The following MBOAT2 variants were observed in gnomAD, a reference collection of about 807,000 sequenced individuals.
MBOAT2 encodes membrane bound glycerophospholipid O-acyltransferase 2.
A neutral mutation model predicts 63.4 loss-of-function variants in MBOAT2; 28 were observed. The observed-to-expected ratio is 0.44, with a 90% CI of 0.33 to 0.61. The LOEUF (loss-of-function observed/expected upper bound fraction) is 0.61, where lower values mean the gene tolerates loss of function less well. Ranked by LOEUF, MBOAT2 falls within the 20% of genes least tolerant of loss-of-function variation. The probability of loss-of-function intolerance (pLI) is 0.03; values close to 1 mark genes in which losing one functional copy is unlikely to be tolerated. For missense variants in MBOAT2, 470 were observed against 605.8 expected (o/e 0.78, Z 2.35); for synonymous variants, 211 against 215.6 (o/e 0.98, Z 0.19).
At chr2:8,878,048 G>A (rs1340574658) in intron 6 of MBOAT2, among the ~76,000 whole-genome samples, 2 of 152,232 alleles carry the variant, frequency 1.3e-5, no homozygotes, top group African/African-American at 4.8e-5. Context: ...TCCAGCCCAT[G>A]TGTGGGGCTC....
chr2:8,945,915 G>A (rs1047556480), intron 2 of MBOAT2, among the ~76,000 whole-genome samples: 4 of 152,102 alleles, frequency 2.6e-5, no homozygotes, highest in Non-Finnish European at 5.9e-5. Flanking sequence ...CCTTCTGAAA[G>A]GCACTGTACT....
intron 3 of MBOAT2, among the ~76,000 whole-genome samples, chr2:8,941,835 C>T (rs963781237): frequency 6.6e-6 from 1 of 152,098 alleles, no homozygotes; most frequent in Non-Finnish European, 1.5e-5. Context: ...AAACAATTTC[C>T]CATTGCTAAA....
At chr2:8,934,062 T>C (rs1214027208) in intron 3 of MBOAT2, among the ~76,000 whole-genome samples, 4 of 152,248 alleles carry the variant, frequency 2.6e-5, no homozygotes, top group Non-Finnish European at 2.9e-5. Context: ...CACAATGCTA[T>C]GTTCTGAAAA....
chr2:8,940,572 C>T (rs891043893), intron 3 of MBOAT2, among the ~76,000 whole-genome samples: 7 of 152,130 alleles, frequency 4.6e-5, no homozygotes, highest in Non-Finnish European at 8.8e-5. Context: ...GGATTACAGG[C>T]GTGAGCCACT....
At chr2:8,930,860 A>AT (rs1328201574) in intron 3 of MBOAT2, among the ~76,000 whole-genome samples, 3 of 151,740 alleles carry the variant, frequency 2.0e-5, no homozygotes, top group Non-Finnish European at 4.4e-5. Context: ...AACTTAAAGT[A>AT]TAAAAAAAAA....
At position 8,949,453 on chromosome 2, in the gene MBOAT2, T is replaced by C. The variant is rs983874397; in HGVS notation, c.222-6189A>G. Reference sequence around the variant, plus strand: ...ATGATGTTCCTTGCTTTTTTTTTTTTCAGGGTTCTTACAGTTTGAGGTCTT... The same window carrying C: ...ATGATGTTCCTTGCTTTTTTTTTTTCCAGGGTTCTTACAGTTTGAGGTCTT... On this transcript the variant is annotated intron_variant, in intron 2 of 12. Coordinates refer to ENST00000305997, the MANE Select transcript of MBOAT2 (RefSeq NM_138799.4). Among the ~76,000 whole-genome samples the C allele has an allele frequency of 3.3e-5, 5 of 152,024 alleles. No individual in the cohort carries two copies. In the South Asian group the frequency reaches 1.0e-3, roughly 32 times the overall value.
intron 3 of MBOAT2, among the ~76,000 whole-genome samples, chr2:8,931,144 A>G (rs1667291461): frequency 6.6e-6 from 1 of 152,220 alleles, no homozygotes; most frequent in Non-Finnish European, 1.5e-5. Context: ...TTACATTCCC[A>G]TTAACAGTGT....
rs747611257 is a variant in MBOAT2 at position 8,868,525 on chromosome 2, C to G, written c.908G>C (p.Gly303Ala). The G allele has an allele frequency of 1.2e-6, 2 of 1,613,730 alleles. No homozygotes were observed. Among genetic ancestry groups the G allele is most frequent in the Non-Finnish European group, 1.7e-6 (2 of 1,179,856 alleles). ...TTCGTCATACCCTCTGAAACCAAAGCCTGCAGCATTATTAATGGCATCAGC... is the reference window on the plus strand; with the variant it reads ...TTCGTCATACCCTCTGAAACCAAAGGCTGCAGCATTATTAATGGCATCAGC... ...TLADAINNAA[G>A]FGFRGYDENG... Residue 303 changes from glycine to alanine, a missense_variant, in exon 9 of 13, where the codon GGC becomes GCC. By Grantham distance (60) the Gly-to-Ala change is moderately conservative (BLOSUM62 0). This residue lies in a region of MBOAT2 where 376 missense variants were observed against 503.8 expected (regional missense o/e 0.75). Transcript: ENST00000305997.
At chr2:8,873,071 A>C (rs1662447820) in intron 8 of MBOAT2, 37 bp downstream of exon 8, 1 of 1,583,018 alleles carries the variant, frequency 6.3e-7, no homozygotes, top group Middle Eastern at 1.7e-4. Flanking sequence ...GAAACGCTTC[A>C]ACCAGACACA....
intron 3 of MBOAT2, among the ~76,000 whole-genome samples, chr2:8,912,532 C>G (rs1484192879): frequency 6.6e-6 from 1 of 152,128 alleles, no homozygotes; most frequent in Non-Finnish European, 1.5e-5. Flanking sequence ...AAATCTGTAG[C>G]TCTTCTATAC....
intron 9 of MBOAT2, among the ~76,000 whole-genome samples, chr2:8,867,189 G>A (rs1661960910): frequency 6.6e-6 from 1 of 152,038 alleles, no homozygotes; most frequent in Admixed American, 6.6e-5. Context: ...GCTAGTTTTT[G>A]TATTTTTTGT....
At chr2:8,924,462 G>C (rs577226820) in intron 3 of MBOAT2, among the ~76,000 whole-genome samples, 1 of 152,194 alleles carries the variant, frequency 6.6e-6, no homozygotes, top group East Asian at 1.9e-4. Context: ...CTGACCAGGT[G>C]TTCTCTTAGT....
chr2:8,896,745 C>A (rs1259757603), intron 4 of MBOAT2, among the ~76,000 whole-genome samples: 2 of 152,190 alleles, frequency 1.3e-5, no homozygotes, highest in African/African-American at 2.4e-5. Context: ...AATTATTAGG[C>A]AATTTTCCTA....
At chr2:8,894,211 C>T (rs894833861) in intron 4 of MBOAT2, among the ~76,000 whole-genome samples, 5 of 152,240 alleles carry the variant, frequency 3.3e-5, no homozygotes, top group Middle Eastern at 3.4e-3. Flanking sequence ...ATGTTTCTGA[C>T]GAACCTTGTA....
intron 6 of MBOAT2, among the ~76,000 whole-genome samples, chr2:8,879,542 A>G (rs1486472731): frequency 3.3e-5 from 5 of 152,180 alleles, no homozygotes; most frequent in African/African-American, 9.7e-5. Flanking sequence ...CATATCAACT[A>G]TGTGTTGTCT....
In MBOAT2 at chr2:8,902,406, C is replaced by G. The variant is rs1001761200; in HGVS notation, c.395+6215G>C. ...TGACTTCAAGAATGAAGCCGCGGAC[C>G]CTTGCAGTGAGTGTTACAGTTCTTA... is the stretch of plus-strand genomic sequence containing the variant. On this transcript the variant is annotated intron_variant, in intron 4 of 12. Coordinates refer to ENST00000305997, the MANE Select transcript of MBOAT2 (RefSeq NM_138799.4). Among the ~76,000 whole-genome samples, 4 of 152,222 alleles carry G rather than the reference C, an allele frequency of 2.6e-5. No individual in the cohort carries two copies. The East Asian group carries it at 5.8e-4, about 22-fold the overall frequency.
chr2:8,872,968 G>A (rs1158469963), intron 8 of MBOAT2, 140 bp downstream of exon 8: 18 of 580,934 alleles, frequency 3.1e-5, no homozygotes, highest in Non-Finnish European at 4.1e-5. Flanking sequence ...GAGTTGCGAG[G>A]GCTGTTTTTT....
chr2:8,873,239 C>T lies in MBOAT2; in HGVS notation c.752G>A (p.Cys251Tyr). The T allele has an allele frequency of 6.2e-7, 1 of 1,614,188 alleles. No individual in the cohort carries two copies. The highest frequency in any genetic ancestry group is 8.5e-7 in the Non-Finnish European group (1 of 1,180,028). ...GTTGTACTCCACAGGTAATGTTGTA[C>T]AGATGGTCAAGTGAAATAACAAGGA... Reference protein sequence around the residue: ...GLSLLFHLTICTTLPVEYNID... With the variant: ...GLSLLFHLTIYTTLPVEYNID... The change falls in exon 8 of 13, where the codon TGT (cysteine) becomes TAT (tyrosine). Residue 251 changes from cysteine (C) to tyrosine (Y), a missense_variant. Physicochemically the swap from Cys to Tyr is radical, Grantham distance 194. Coordinates refer to ENST00000305997, the MANE Select transcript of MBOAT2 (RefSeq NM_138799.4).
At chr2:8,935,203 C>G (rs1667576489) in intron 3 of MBOAT2, among the ~76,000 whole-genome samples, 1 of 152,160 alleles carries the variant, frequency 6.6e-6, no homozygotes, top group Non-Finnish European at 1.5e-5. Context: ...CAAGTCAACC[C>G]ATCAAGAGTG....
Sources: allele counts gnomAD v4.1 joint callset (sites outside exome capture counted in the v4.1 genomes callset), GRCh38; gene constraint gnomAD v4.1.1; regional missense constraint gnomAD v4.1.1; transcripts MANE v1.5; gene names NCBI Gene and HGNC (gene_info 2026-07-23, HGNC 2026-07-21).